ZKSCAN5: variants seen among roughly 807,000 people sequenced by gnomAD.
ZKSCAN5 encodes the protein zinc finger protein with KRAB and SCAN domains 5.
ZKSCAN5 carries 28 observed loss-of-function variants against 60.0 expected under a neutral mutation model. That is an observed-to-expected ratio of 0.47 (90% CI 0.35 to 0.64). ZKSCAN5 has a LOEUF of 0.64. Among genes scored for constraint, ZKSCAN5 ranks in the 30% least tolerant of loss-of-function variants. ZKSCAN5 has a pLI of 0.01. For synonymous variants in ZKSCAN5, 361 were observed against 371.2 expected (o/e 0.97, Z 0.31); for missense variants, 881 against 1,034.6 (o/e 0.85, Z 2.04).
chr7:99,525,817 T>A lies in ZKSCAN5; in HGVS notation c.777T>A (p.Tyr259Ter), dbSNP rs778458599. The part of the protein sequence containing the change: ...ENYGSITSMG[Y>*]ESRDNMELIV... ...ATTCTCCCTCTGTTATTTCAGGTTA[T>A]GAGTCCAGGGACAATATGGAGCTCA... The change falls in exon 6 of 7, where the codon TAT (tyrosine) becomes TAA (stop). Residue 259 changes from tyrosine (Y) to a stop codon, truncating the protein, a stop_gained. Transcript: ENST00000326775. LOFTEE classifies it high-confidence loss of function. 1 of 1,590,808 alleles carries A rather than the reference T, an allele frequency of 6.3e-7. No individual in the cohort carries two copies. The highest frequency in any genetic ancestry group is 8.6e-7 in the Non-Finnish European group (1 of 1,165,220).
intron 6 of ZKSCAN5, among the ~76,000 whole-genome samples, chr7:99,527,092 G>A (rs997484061): frequency 1.2e-4 from 19 of 152,076 alleles, no homozygotes; most frequent in Admixed American, 6.6e-5. Context: ...TTTGGGAGGC[G>A]GCTGAGCTAG....
chr7:99,505,767 C>G, intron 1 of ZKSCAN5: 5 of 303,714 alleles, frequency 1.6e-5, no homozygotes, highest in Non-Finnish European at 3.1e-5. Context: ...TTGTATGGCT[C>G]TCTTTTACAC....
chr7:99,520,965 C>T (rs1014442696), intron 5 of ZKSCAN5, among the ~76,000 whole-genome samples: 1 of 152,146 alleles, frequency 6.6e-6, no homozygotes, highest in Non-Finnish European at 1.5e-5. Context: ...TACATTTTAC[C>T]TGTCATATCG....
intron 3 of ZKSCAN5, among the ~76,000 whole-genome samples, chr7:99,512,808 T>G (rs1801098473): frequency 1.3e-5 from 2 of 151,904 alleles, no homozygotes; most frequent in African/African-American, 4.8e-5. Context: ...AGCTTCTTTT[T>G]TTTTCTTTTA....
chr7:99,512,813 CT>C (rs1801099516), intron 3 of ZKSCAN5, among the ~76,000 whole-genome samples: 1 of 148,880 alleles, frequency 6.7e-6, no homozygotes, highest in Non-Finnish European at 1.5e-5. Context: ...CTTTTTTTTT[CT>C]TTTATTTATT....
At chr7:99,517,776 G>A (rs1486655964) in intron 3 of ZKSCAN5, among the ~76,000 whole-genome samples, 1 of 152,032 alleles carries the variant, frequency 6.6e-6, no homozygotes, top group Non-Finnish European at 1.5e-5. Flanking sequence ...GAACCTGGGA[G>A]GCGGAGGTTG....
intron 2 of ZKSCAN5, among the ~76,000 whole-genome samples, chr7:99,506,805 C>A (rs1229652004): frequency 6.6e-6 from 1 of 152,058 alleles, no homozygotes; most frequent in Non-Finnish European, 1.5e-5. Flanking sequence ...GCCTCAGCCT[C>A]CGGAGTAGCT....
At chr7:99,507,251 G>GC (rs1800777654) in intron 2 of ZKSCAN5, among the ~76,000 whole-genome samples, 1 of 151,988 alleles carries the variant, frequency 6.6e-6, no homozygotes, top group East Asian at 1.9e-4. Context: ...CCACGCCACT[G>GC]CCATTGCAGC....
intron 3 of ZKSCAN5, among the ~76,000 whole-genome samples, chr7:99,519,157 G>A (rs147595710): frequency 0.013 from 1,936 of 150,206 alleles, 38 homozygotes; most frequent in African/African-American, 0.045. Context: ...TGTATTTTTA[G>A]TAGAGGTGGG....
intron 2 of ZKSCAN5, among the ~76,000 whole-genome samples, chr7:99,511,592 G>A (rs117581998): frequency 3.3e-5 from 5 of 151,888 alleles, no homozygotes; most frequent in Non-Finnish European, 7.4e-5. Flanking sequence ...ACAGGGACAT[G>A]CCACCATGCC....
At chr7:99,505,365 A>C (rs1800672511) in intron 1 of ZKSCAN5, 1 of 151,162 alleles carries the variant, frequency 6.6e-6, no homozygotes, top group African/African-American at 2.4e-5. Context: ...ATGTTCCAGG[A>C]GAGCTCCCCT....
rs936882118 is a variant in ZKSCAN5, at chr7:99,533,534, T to C, written c.*1285T>C. 9.2e-5 allele frequency: 38 copies of C among 411,600 alleles called. No homozygotes were observed. The East Asian group carries it at 1.3e-3, about 14-fold the overall frequency. The allele number at this position is 411,600 out of a possible 1,614,324, so 25.5% of individuals were successfully genotyped here. A position where few individuals can be genotyped will look rare whatever the true frequency, so the allele number is the denominator to read the frequency against. On this transcript the variant is annotated 3_prime_UTR_variant, in exon 7 of 7. Coordinates refer to ENST00000326775, the MANE Select transcript of ZKSCAN5 (RefSeq NM_145102.4). Reference sequence around the variant, plus strand: ...CCCCCATCCCCAGCTGCTCTGAGTTTGGGCTGCAAGTGCTCACAGCTCTTG... The same window carrying C: ...CCCCCATCCCCAGCTGCTCTGAGTTCGGGCTGCAAGTGCTCACAGCTCTTG...
At chr7:99,507,043 A>C (rs943446017) in intron 2 of ZKSCAN5, among the ~76,000 whole-genome samples, 1 of 152,116 alleles carries the variant, frequency 6.6e-6, no homozygotes. Flanking sequence ...AAAGAGGTAC[A>C]TAAGGTTGTA....
Position 99,531,444 on chromosome 7 carries a change from C to T in ZKSCAN5, c.1715C>T (p.Thr572Ile). 1 of 1,614,212 alleles carries T rather than the reference C, an allele frequency of 6.2e-7. No individual in the cohort carries two copies. The highest frequency in any genetic ancestry group is 8.5e-7 in the Non-Finnish European group (1 of 1,180,028). ...CTTATTCAACATCAAAGAATACACA[C>T]TGGGGAGAAACCATTCAGGTGTGAG... ...AHLIQHQRIHTGEKPFRCEEC... is the reference protein window; with the variant it reads ...AHLIQHQRIHIGEKPFRCEEC... Residue 572 changes from threonine (T) to isoleucine (I), a missense_variant, in exon 7 of 7, where the codon ACT (threonine) becomes ATT (isoleucine). Around this residue, in one of 5 missense-constraint regions of ZKSCAN5, gnomAD observed 490 missense variants for 554.5 expected, o/e 0.88. Transcript: ENST00000326775.
intron 2 of ZKSCAN5, among the ~76,000 whole-genome samples, chr7:99,507,116 T>G (rs766963345): frequency 6.6e-6 from 1 of 152,218 alleles, no homozygotes; most frequent in Non-Finnish European, 1.5e-5. Flanking sequence ...CACCTGTGTA[T>G]TCTTACAGAG....
intron 3 of ZKSCAN5, among the ~76,000 whole-genome samples, chr7:99,519,047 C>G (rs555202709): frequency 1.3e-5 from 2 of 150,318 alleles, no homozygotes; most frequent in South Asian, 4.2e-4. Flanking sequence ...ACGATCTTGG[C>G]TCACTGTAAC....
chr7:99,533,080 T>A lies in ZKSCAN5; in HGVS notation c.*831T>A. ...TTTGATCTTGTATTACCCACAGGAA[T>A]GAGGGCAGCTAAACCCATAGAAGGA... On this transcript the variant is annotated 3_prime_UTR_variant, in exon 7 of 7. Transcript: ENST00000326775. 1 of 313,046 alleles carries A rather than the reference T, an allele frequency of 3.2e-6. No individual in the cohort carries two copies. The allele number at this position is 313,046 out of a possible 1,614,324, so 19.4% of individuals were successfully genotyped here.
At chr7:99,520,855 C>G (rs1425387902) in intron 5 of ZKSCAN5, among the ~76,000 whole-genome samples, 1 of 152,114 alleles carries the variant, frequency 6.6e-6, no homozygotes, top group East Asian at 1.9e-4. Context: ...CAAAAATCAG[C>G]CGGGCGTGGT....
intron 2 of ZKSCAN5, among the ~76,000 whole-genome samples, chr7:99,511,863 C>T (rs2151097844): frequency 6.6e-6 from 1 of 152,172 alleles, no homozygotes; most frequent in Admixed American, 6.6e-5. Context: ...AATCTCGGCT[C>T]ACTGCAAGCT....
Sources: gnomAD v4.1 joint callset for allele counts (sites outside exome capture counted in the v4.1 genomes callset) on GRCh38, gnomAD v4.1.1 for gene constraint, gnomAD v4.1.1 regional missense constraint, MANE v1.5 for transcripts, NCBI Gene and HGNC (gene_info 2026-07-23, HGNC 2026-07-21) for gene names.